ANAPC10: variants seen among roughly 807,000 people sequenced by gnomAD.
The protein encoded by ANAPC10 is anaphase-promoting complex subunit 10.
In ANAPC10, 12 loss-of-function variants were observed where a neutral mutation model predicts 22.0. The observed-to-expected ratio is 0.55, with a 90% CI of 0.35 to 0.88. The LOEUF is 0.88. ANAPC10 is among the 40% of genes least tolerant of loss of function. ANAPC10 has a pLI of 0.01. For synonymous variants in ANAPC10, 65 were observed against 69.5 expected (o/e 0.94, Z 0.32); for missense variants, 188 against 220.9 (o/e 0.85, Z 0.94).
chr4:145,052,918 T>C (rs1741351582), intron 4 of ANAPC10, among the ~76,000 whole-genome samples: 1 of 151,664 alleles, frequency 6.6e-6, no homozygotes, highest in Non-Finnish European at 1.5e-5. Context: ...TACTCATTTA[T>C]TATAAAAATC....
chr4:144,995,701 T>A (rs1456664883), intron 4 of ANAPC10, 98 bp from the exon 5 acceptor site: 1 of 825,930 alleles, frequency 1.2e-6, no homozygotes. Context: ...AATTAACATT[T>A]TGCTCAACGA....
intron 4 of ANAPC10, among the ~76,000 whole-genome samples, chr4:145,057,818 C>T (rs1244982758): frequency 6.6e-6 from 1 of 152,144 alleles, no homozygotes; most frequent in Non-Finnish European, 1.5e-5. Flanking sequence ...TCCAGATGCC[C>T]CTTTCTGCTT....
chr4:145,035,884 T>C (rs975807826), intron 4 of ANAPC10, among the ~76,000 whole-genome samples: 1 of 152,178 alleles, frequency 6.6e-6, no homozygotes, highest in Non-Finnish European at 1.5e-5. Flanking sequence ...CTCAGCACTC[T>C]CTGCTTTTCT....
intron 4 of ANAPC10, among the ~76,000 whole-genome samples, chr4:145,025,578 C>G (rs1439468156): frequency 6.6e-6 from 1 of 152,046 alleles, no homozygotes; most frequent in Non-Finnish European, 1.5e-5. Context: ...CTTACATGGG[C>G]TTAAGTTCGT....
At chr4:145,071,897 A>G (rs1039880390) in intron 3 of ANAPC10, among the ~76,000 whole-genome samples, 1 of 152,194 alleles carries the variant, frequency 6.6e-6, no homozygotes, top group Admixed American at 6.5e-5. Flanking sequence ...CATCAATGCT[A>G]TATCACCAAG....
At chr4:145,081,896 G>A in intron 2 of ANAPC10, 146 bp from the exon 3 acceptor site, 1 of 660,302 alleles carries the variant, frequency 1.5e-6, no homozygotes, top group Non-Finnish European at 2.6e-6. Context: ...ATTTTTTGTA[G>A]ACAGGGTCTT....
At chr4:145,087,609 T>C (rs1476768902) in intron 2 of ANAPC10, among the ~76,000 whole-genome samples, 1 of 152,232 alleles carries the variant, frequency 6.6e-6, no homozygotes, top group African/African-American at 2.4e-5. Flanking sequence ...AAAAATTTAG[T>C]TCCTCAGTAA....
intron 4 of ANAPC10, among the ~76,000 whole-genome samples, chr4:145,042,927 AC>A (rs1055714123): frequency 6.6e-6 from 1 of 152,098 alleles, no homozygotes; most frequent in African/African-American, 2.4e-5. Context: ...TAAAAAAAAA[AC>A]AAAATAAAGT....
At chr4:145,080,138 A>C (rs1209696864) in intron 3 of ANAPC10, among the ~76,000 whole-genome samples, 1 of 149,314 alleles carries the variant, frequency 6.7e-6, no homozygotes, top group Non-Finnish European at 1.5e-5. Context: ...AAAAAAAAAA[A>C]CACACATTGA....
chr4:145,036,564 G>C (rs750470289), intron 4 of ANAPC10, among the ~76,000 whole-genome samples: 4 of 151,980 alleles, frequency 2.6e-5, no homozygotes, highest in Non-Finnish European at 5.9e-5. Context: ...GTCCAAGCTG[G>C]CCTTGAACTC....
chr4:145,072,398 C>A (rs769547883), intron 3 of ANAPC10, among the ~76,000 whole-genome samples: 1 of 152,080 alleles, frequency 6.6e-6, no homozygotes, highest in African/African-American at 2.4e-5. Flanking sequence ...CTACATAAAT[C>A]GAGAGTTGCT....
chr4:145,055,776 T>A (rs1455764978), intron 4 of ANAPC10, among the ~76,000 whole-genome samples: 1 of 152,148 alleles, frequency 6.6e-6, no homozygotes, highest in Admixed American at 6.5e-5. Context: ...CTGGGAGTTG[T>A]TATTTAATGA....
chr4:145,009,217 TG>T (rs1263349301), intron 4 of ANAPC10, among the ~76,000 whole-genome samples: 2 of 152,102 alleles, frequency 1.3e-5, no homozygotes, highest in Admixed American at 1.3e-4. Flanking sequence ...TCCATGCTCA[TG>T]GATAGGAAGA....
chr4:145,020,202 T>C (rs1238108067), intron 4 of ANAPC10, among the ~76,000 whole-genome samples: 1 of 152,096 alleles, frequency 6.6e-6, no homozygotes, highest in East Asian at 1.9e-4. Context: ...ACTAGCTAAC[T>C]GAATCCAACA....
chr4:145,024,272 A>G (rs1736350426), intron 4 of ANAPC10, among the ~76,000 whole-genome samples: 1 of 151,932 alleles, frequency 6.6e-6, no homozygotes. Context: ...CTTCTTCCAA[A>G]CTCTTGTTAA....
At chr4:145,054,489 C>G (rs1446293538) in intron 4 of ANAPC10, among the ~76,000 whole-genome samples, 1 of 147,868 alleles carries the variant, frequency 6.8e-6, no homozygotes, top group African/African-American at 2.5e-5. Context: ...ACCCAGGAGG[C>G]AGAGCTTGCA....
At chr4:145,025,396 C>T (rs1338267992) in intron 4 of ANAPC10, among the ~76,000 whole-genome samples, 2 of 148,554 alleles carry the variant, frequency 1.3e-5, no homozygotes, top group South Asian at 2.3e-4. Context: ...ATGTGAGACA[C>T]TTCCTTTCAC....
intron 2 of ANAPC10, among the ~76,000 whole-genome samples, chr4:145,090,801 C>T (rs966546005): frequency 1.4e-4 from 21 of 152,156 alleles, no homozygotes; most frequent in Admixed American, 5.9e-4. Context: ...TTAATTATTA[C>T]ATTATGTAGT....
At chr4:145,077,991 C>T (rs1745429979) in intron 3 of ANAPC10, among the ~76,000 whole-genome samples, 1 of 152,160 alleles carries the variant, frequency 6.6e-6, no homozygotes, top group South Asian at 2.1e-4. Flanking sequence ...CTCACCACTT[C>T]TATTCAACAT....
Sources: gnomAD v4.1 joint callset for allele counts (sites outside exome capture counted in the v4.1 genomes callset) on GRCh38, gnomAD v4.1.1 for gene constraint, MANE v1.5 for transcripts, NCBI Gene and HGNC (gene_info 2026-07-23, HGNC 2026-07-21) for gene names.